The following DENND5B variants were observed in gnomAD, a reference collection of about 807,000 sequenced individuals.
DENND5B encodes the protein DENN domain containing 5B.
A neutral mutation model predicts 140.6 loss-of-function variants in DENND5B; 34 were observed. That is an observed-to-expected ratio of 0.24 (90% CI 0.18 to 0.32). The LOEUF is 0.32. Among genes scored for constraint, DENND5B ranks in the 10% least tolerant of loss-of-function variants. DENND5B has a pLI of 1.00. For synonymous variants in DENND5B, 551 were observed against 562.1 expected, an observed-to-expected ratio of 0.98 and a Z score of 0.28; for missense variants, 1,142 against 1,560.2, an observed-to-expected ratio of 0.73 and a Z score of 4.52.
At chr12:31,389,235 T>C in intron 20 of DENND5B, 89 bp downstream of exon 20, 1 of 1,218,024 alleles carries the variant, frequency 8.2e-7, no homozygotes, top group Non-Finnish European at 1.1e-6. Context: ...AAAGGAGAGC[T>C]CTGGAAGGGG....
rs371979771 is a variant in DENND5B, at chr12:31,552,114, C to G, written c.127+38592G>C. ...TTCCAACACTATGTTGAATAGGAGT[C>G]GTGAGAGAGGGCATCCCTGTCTTGT... On this transcript the variant is annotated intron_variant, in intron 1 of 20. Coordinates refer to ENST00000389082, the MANE Select transcript of DENND5B (RefSeq NM_144973.4). Among the ~76,000 whole-genome samples, 668 of 151,566 alleles carry G rather than the reference C, an allele frequency of 4.4e-3. 2 individuals carry two copies. Among genetic ancestry groups the G allele is most frequent in the Non-Finnish European group, 6.4e-3 (436 of 67,962 alleles).
chr12:31,416,751 CTT>C (rs904336823), intron 11 of DENND5B, among the ~76,000 whole-genome samples: 7 of 151,732 alleles, frequency 4.6e-5, no homozygotes, highest in African/African-American at 1.7e-4. Context: ...AATCCCAACA[CTT>C]TGGGAGGCCA....
chr12:31,451,525 A>G (rs1944524412), intron 5 of DENND5B, among the ~76,000 whole-genome samples: 1 of 152,082 alleles, frequency 6.6e-6, no homozygotes, highest in African/African-American at 2.4e-5. Flanking sequence ...GGGTTTCACC[A>G]TATTGGCCAG....
intron 2 of DENND5B, among the ~76,000 whole-genome samples, chr12:31,481,075 T>C (rs1005673615): frequency 1.3e-5 from 2 of 152,220 alleles, no homozygotes; most frequent in African/African-American, 4.8e-5. Context: ...TGAAATATAC[T>C]AAGGAAAACA....
At chr12:31,504,561 A>G (rs1947123065) in intron 1 of DENND5B, among the ~76,000 whole-genome samples, 1 of 152,192 alleles carries the variant, frequency 6.6e-6, no homozygotes, top group Non-Finnish European at 1.5e-5. Flanking sequence ...GCTGTTTTTC[A>G]GCCTGATCAT....
intron 3 of DENND5B, among the ~76,000 whole-genome samples, chr12:31,476,128 TA>T (rs1397657252): frequency 4.8e-4 from 69 of 144,602 alleles, no homozygotes; most frequent in African/African-American, 1.7e-3. Flanking sequence ...TCCGTCTCAA[TA>T]AAAAAAAATA....
At chr12:31,486,210 T>C (rs1432739177) in intron 2 of DENND5B, among the ~76,000 whole-genome samples, 1 of 152,202 alleles carries the variant, frequency 6.6e-6, no homozygotes, top group Non-Finnish European at 1.5e-5. Flanking sequence ...AAAGGATTCG[T>C]CCTTCTTATA....
chr12:31,575,654 A>G (rs1949985634), intron 1 of DENND5B, among the ~76,000 whole-genome samples: 1 of 152,210 alleles, frequency 6.6e-6, no homozygotes, highest in Admixed American at 6.5e-5. Flanking sequence ...GATGTGAGAT[A>G]TAAGAAATTG....
intron 1 of DENND5B, among the ~76,000 whole-genome samples, chr12:31,526,770 T>C (rs957219600): frequency 6.6e-6 from 1 of 152,248 alleles, no homozygotes; most frequent in African/African-American, 2.4e-5. Flanking sequence ...GAATGTACCA[T>C]GGTTATGTGA....
intron 4 of DENND5B, among the ~76,000 whole-genome samples, chr12:31,457,604 T>C (rs560706961): frequency 6.6e-6 from 1 of 152,348 alleles, no homozygotes; most frequent in South Asian, 2.1e-4. Flanking sequence ...GTGAAGCAGA[T>C]TATTTCACCT....
chr12:31,588,165 C>A (rs866741427), intron 1 of DENND5B, among the ~76,000 whole-genome samples: 5 of 152,204 alleles, frequency 3.3e-5, no homozygotes, highest in Admixed American at 6.5e-5. Flanking sequence ...GGTCTTCGCA[C>A]TTGCTGTTTC....
At chr12:31,566,991 A>T (rs1353474421) in intron 1 of DENND5B, among the ~76,000 whole-genome samples, 1 of 152,236 alleles carries the variant, frequency 6.6e-6, no homozygotes, top group Non-Finnish European at 1.5e-5. Context: ...ACTTGCAGAC[A>T]TTCAAACTGG....
chr12:31,499,543 G>T, intron 1 of DENND5B: 1 of 1,300,736 alleles, frequency 7.7e-7, no homozygotes, highest in Non-Finnish European at 1.0e-6. Context: ...TTTATAATGG[G>T]CTTGCAGTCA....
chr12:31,490,983 A>G (rs901668196), intron 2 of DENND5B, among the ~76,000 whole-genome samples: 5 of 152,182 alleles, frequency 3.3e-5, no homozygotes, highest in African/African-American at 1.2e-4. Flanking sequence ...GAATCCTTAT[A>G]TTTTCATACA....
intron 14 of DENND5B, among the ~76,000 whole-genome samples, chr12:31,405,594 C>T (rs183250076): frequency 6.6e-6 from 1 of 152,244 alleles, no homozygotes; most frequent in Non-Finnish European, 1.5e-5. Context: ...ATCTCCCAGG[C>T]TGGAGTGCAG....
intron 1 of DENND5B, among the ~76,000 whole-genome samples, chr12:31,552,227 A>G (rs1015404289): frequency 6.6e-6 from 1 of 152,136 alleles, no homozygotes; most frequent in African/African-American, 2.4e-5. Context: ...TATTATTTTG[A>G]GATACGTCCC....
At chr12:31,495,658 G>A (rs946463774) in intron 2 of DENND5B, among the ~76,000 whole-genome samples, 152 bp downstream of exon 2, 10 of 152,078 alleles carry the variant, frequency 6.6e-5, no homozygotes, top group African/African-American at 2.4e-4. Flanking sequence ...TTACAGGTGT[G>A]AGCCACCACA....
Position 31,567,525 on chromosome 12 carries a change from T to TTA in DENND5B, c.127+23180_127+23181insTA, listed in dbSNP as rs778266873. On this transcript the variant is annotated intron_variant, in intron 1 of 20. Coordinates refer to ENST00000389082, the MANE Select transcript of DENND5B (RefSeq NM_144973.4). ...CTGGGCAACAGAGCAAGACTCTGTC[T>TTA]AAAAAAAAAAAAAAAAAAAAAGCAT... is the stretch of plus-strand genomic sequence containing the variant. Among the ~76,000 whole-genome samples, 7 of 91,730 alleles carry TTA rather than the reference T, an allele frequency of 7.6e-5. No homozygotes were observed. The East Asian group carries it at 1.3e-3, about 17-fold the overall frequency. 60.2% of individuals were successfully genotyped at this position (91,730 alleles called of 152,430 possible).
At chr12:31,533,177 T>G (rs1286453093) in intron 1 of DENND5B, among the ~76,000 whole-genome samples, 3 of 152,150 alleles carry the variant, frequency 2.0e-5, no homozygotes, top group Admixed American at 2.0e-4. Flanking sequence ...TTTGCCCTCC[T>G]ATTACAGCAG....
Sources: gnomAD v4.1 joint callset for allele counts (sites outside exome capture counted in the v4.1 genomes callset) on GRCh38, gnomAD v4.1.1 for gene constraint, MANE v1.5 for transcripts, NCBI Gene and HGNC (gene_info 2026-07-23, HGNC 2026-07-21) for gene names.